Variants in PNPLA6 observed in about 807,000 individuals in gnomAD.
PNPLA6 encodes the protein patatin like domain 6, lysophospholipase.
Under a neutral mutation model 153.7 loss-of-function variants are expected in PNPLA6, and 105 were observed. The observed-to-expected ratio is 0.68, with a 90% CI of 0.58 to 0.80. The LOEUF (loss-of-function observed/expected upper bound fraction) is 0.80, where lower values mean the gene tolerates loss of function less well. PNPLA6 is among the 30% of genes least tolerant of loss of function. The pLI is 0.00. For synonymous variants in PNPLA6, 825 were observed against 822.2 expected, an observed-to-expected ratio of 1.00 and a Z score of -0.06; for missense variants, 1,423 against 1,919.3, an observed-to-expected ratio of 0.74 and a Z score of 4.83.
rs745446485 is a variant in PNPLA6, at chr19:7,550,446, G to A, written c.1946+17G>A. 11 of 1,611,652 alleles carry A rather than the reference G, an allele frequency of 6.8e-6. No homozygotes were observed. In the East Asian group the frequency reaches 2.0e-4, roughly 29 times the overall value. ...GCTGTACAGGTGCAGCTCCCACCGC[G>A]CTGCTCAGGCCCGGCCTAGGGGTGG... On this transcript the variant is annotated intron_variant, in intron 15 of 31. Transcript: ENST00000600737.
intron 19 of PNPLA6, 34 bp from the exon 20 acceptor site, chr19:7,554,175 T>C: frequency 6.2e-7 from 1 of 1,606,154 alleles, no homozygotes; most frequent in Non-Finnish European, 8.5e-7. Flanking sequence ...CTGTGGACCA[T>C]GGTTCCCAGC....
At chr19:7,535,462 C>T (rs2022807399), upstream of PNPLA6, 1 of 1,362,536 alleles carries the variant, frequency 7.3e-7, no homozygotes, top group Non-Finnish European at 1.0e-6. The surrounding 1 kb of genome is among the most constrained non-coding windows in gnomAD (Gnocchi z 5.0). Context: ...AGAGGTGGGC[C>T]CAGATTGACG....
intron 28 of PNPLA6, among the ~76,000 whole-genome samples, chr19:7,560,283 G>C (rs925591444): frequency 8.5e-5 from 13 of 152,182 alleles, no homozygotes; most frequent in Non-Finnish European, 1.5e-4. Context: ...CACTGGGATA[G>C]CATGCCATGA....
intron 3 of PNPLA6, among the ~76,000 whole-genome samples, chr19:7,539,216 G>A (rs1401469714): frequency 1.3e-5 from 2 of 152,080 alleles, no homozygotes; most frequent in Admixed American, 6.6e-5. Context: ...AGTGGCTCAC[G>A]CCTGTAATCC....
chr19:7,560,979 C>CG, intron 29 of PNPLA6, 35 bp from the exon 30 acceptor site: 1 of 1,380,510 alleles, frequency 7.2e-7, no homozygotes, highest in Non-Finnish European at 1.0e-6. Flanking sequence ...ACTCTGTGGG[C>CG]CCCCCCTAAG....
In PNPLA6 at chr19:7,536,178, C is replaced by T. The variant is rs1286099101; in HGVS notation, c.233-13C>T. The T allele has an allele frequency of 6.3e-7, 1 of 1,591,022 alleles. No individual in the cohort carries two copies. Among genetic ancestry groups the T allele is most frequent in the Admixed American group, 1.7e-5 (1 of 59,990 alleles). ...ACAGAGCTCGGAGTGCCCCTGTCCCCACCTATCCCCAGAAACCCCAGCCCC... is the reference window on the plus strand; with the variant it reads ...ACAGAGCTCGGAGTGCCCCTGTCCCTACCTATCCCCAGAAACCCCAGCCCC... On this transcript the variant is annotated splice_polypyrimidine_tract_variant and intron_variant, in intron 1 of 31. Transcript: ENST00000600737.
rs931476832 is a variant in PNPLA6 at position 7,560,610 on chromosome 19, G to C, written c.3700-38G>C. ...AGACAGAGTGGGGACAAGCAAAGCA[G>C]GGTTGCAGACATGGACCCAGCCCCT... On this transcript the variant is annotated intron_variant, in intron 28 of 31. Coordinates refer to ENST00000600737, the MANE Select transcript of PNPLA6 (RefSeq NM_001166114.2). 4 of 1,364,382 alleles carry C rather than the reference G, an allele frequency of 2.9e-6. No individual in the cohort carries two copies. The Admixed American group carries it at 6.7e-5, about 23-fold the overall frequency. 84.5% of individuals were successfully genotyped at this position (1,364,382 alleles called of 1,614,324 possible).
chr19:7,537,483 G>A (rs987826146), intron 3 of PNPLA6, among the ~76,000 whole-genome samples: 1 of 152,166 alleles, frequency 6.6e-6, no homozygotes, highest in African/African-American at 2.4e-5. Context: ...CAAGGTCTGC[G>A]AGAAAGGCTC....
chr19:7,551,314 C>A, intron 17 of PNPLA6, 48 bp from the exon 18 acceptor site: 1 of 1,564,792 alleles, frequency 6.4e-7, no homozygotes, highest in Non-Finnish European at 8.8e-7. Context: ...GGGACCTGGA[C>A]AGCCGCTTCC....
rs762342193 is a variant in PNPLA6 at position 7,540,173 on chromosome 19, A to C, written c.579A>C (p.Pro193=). ...NVRVLGHFEK[P]LFLELCRHMV... ...GGGTGCTGGGCCACTTCGAGAAGCC[A>C]CTCTTCCTGGAGCTCTGCCGCCACA... is the stretch of plus-strand genomic sequence containing the variant. The change falls in exon 5 of 32, where the codon CCA becomes CCC. Residue 193 remains proline (P), a synonymous_variant. Coordinates refer to ENST00000600737, the MANE Select transcript of PNPLA6 (RefSeq NM_001166114.2). The surrounding 1 kb of genome is among the most constrained non-coding windows in gnomAD (Gnocchi z 6.8). The C allele has an allele frequency of 1.9e-6, 3 of 1,610,946 alleles. No homozygotes were observed. Among genetic ancestry groups the C allele is most frequent in the South Asian group, 2.2e-5 (2 of 91,068 alleles).
At position 7,558,932 on chromosome 19, in the gene PNPLA6, C is replaced by A; in HGVS notation, c.3480C>A (p.Tyr1160Ter). 1.2e-6 allele frequency: 2 copies of A among 1,614,118 alleles called. No homozygotes were observed. The highest frequency in any genetic ancestry group is 1.7e-6 in the Non-Finnish European group (2 of 1,179,998). ...AGGATGAGACGGACCTCAGCACCTA[C>A]GGGGACAGCCTGTCCGGCTGGTGGC... Reference protein sequence around the residue: ...GSQDETDLSTYGDSLSGWWLL... With the variant: ...GSQDETDLST The change falls in exon 28 of 32, where the codon TAC becomes TAA. Residue 1160 changes from tyrosine (Y) to a stop codon, truncating the protein, a stop_gained. Transcript: ENST00000600737. LOFTEE classifies it high-confidence loss of function.
chr19:7,536,651 G>C (rs575406890), intron 3 of PNPLA6, 105 bp downstream of exon 3: 3 of 796,378 alleles, frequency 3.8e-6, no homozygotes, highest in African/African-American at 1.7e-5. Flanking sequence ...TATTGGCTGC[G>C]CGCTGTGGCT....
In PNPLA6 at chr19:7,555,698, G is replaced by A. The variant is rs768107851; in HGVS notation, c.3028G>A (p.Gly1010Arg). Residue 1010 changes from glycine (G) to arginine (R), a missense_variant, in exon 24 of 32, where the codon GGA becomes AGA. By Grantham distance (125) the Gly-to-Arg change is moderately radical (BLOSUM62 -2). Around this residue, in one of 10 missense-constraint regions of PNPLA6, gnomAD observed 643 missense variants for 835.2 expected, o/e 0.77. Transcript: ENST00000600737. The surrounding 1 kb of genome is among the most constrained non-coding windows in gnomAD (Gnocchi z 6.3). ...VGGTSIGSFI[G>R]ALYAEERSAS... ...CGGCACGTCCATTGGCTCTTTCATC[G>A]GAGCGTTGTACGCGGAGGAGCGCAG... The A allele has an allele frequency of 3.1e-6, 5 of 1,613,718 alleles. No homozygotes were observed. The highest frequency in any genetic ancestry group is 4.2e-6 in the Non-Finnish European group (5 of 1,179,866).
chr19:7,557,961 CAG>C (rs1480391187), intron 27 of PNPLA6, among the ~76,000 whole-genome samples: 20 of 152,278 alleles, frequency 1.3e-4, no homozygotes, highest in South Asian at 8.3e-4. Flanking sequence ...TGCTTTCTCT[CAG>C]GGGCAGGTAG....
intron 18 of PNPLA6, among the ~76,000 whole-genome samples, chr19:7,553,264 CTTTTT>C (rs1005583038): frequency 6.6e-6 from 1 of 152,028 alleles, no homozygotes; most frequent in African/African-American, 2.4e-5. Flanking sequence ...CTTTTATTTT[CTTTTT>C]AAGACAGGGT....
At chr19:7,542,461 A>G in intron 10 of PNPLA6, 100 bp from the exon 11 acceptor site, 3 of 908,740 alleles carry the variant, frequency 3.3e-6, no homozygotes, top group Admixed American at 1.9e-5. Context: ...CAGCCTCCCA[A>G]ATAGCTGGAA....
intron 31 of PNPLA6, 72 bp from the exon 32 acceptor site, chr19:7,561,416 G>T (rs1568425778): frequency 2.8e-6 from 4 of 1,435,890 alleles, no homozygotes; most frequent in Non-Finnish European, 3.9e-6. Flanking sequence ...TCCTGTGTGT[G>T]CTGGGTGCTG....
intron 13 of PNPLA6, among the ~76,000 whole-genome samples, chr19:7,548,247 G>C (rs1475913146): frequency 6.6e-6 from 1 of 151,940 alleles, no homozygotes; most frequent in Non-Finnish European, 1.5e-5. Context: ...GGGAGGCTGA[G>C]GCAGGAGAAT....
chr19:7,539,787 C>T (rs2023041833), intron 3 of PNPLA6, 131 bp from the exon 4 acceptor site: 10 of 603,900 alleles, frequency 1.7e-5, no homozygotes, highest in Non-Finnish European at 2.9e-5. Context: ...AAAAGGTGGC[C>T]AGCCTGATTT....
Sources: gnomAD v4.1 joint callset for allele counts (sites outside exome capture counted in the v4.1 genomes callset) on GRCh38, gnomAD v4.1.1 for gene constraint, gnomAD v4.1.1 regional missense constraint, Gnocchi (gnomAD v3.1) non-coding constraint, MANE v1.5 for transcripts, NCBI Gene and HGNC (gene_info 2026-07-23, HGNC 2026-07-21) for gene names.